The following FNBP1L variants were observed in gnomAD, a reference collection of about 807,000 sequenced individuals.
FNBP1L encodes formin binding protein 1 like.
Under a neutral mutation model 91.2 loss-of-function variants are expected in FNBP1L, and 36 were observed. That is an observed-to-expected ratio of 0.39 (90% confidence interval 0.30 to 0.52). The LOEUF (loss-of-function observed/expected upper bound fraction) is 0.52. FNBP1L is among the 20% of genes least tolerant of loss of function. The pLI is 0.66. For missense variants in FNBP1L, 571 were observed against 732.1 expected, an observed-to-expected ratio of 0.78 and a Z score of 2.54; for synonymous variants, 242 against 237.0, an observed-to-expected ratio of 1.02 and a Z score of -0.19.
intron 8 of FNBP1L, 130 bp from the exon 9 acceptor site, chr1:93,534,575 C>A: frequency 3.5e-6 from 2 of 572,348 alleles, no homozygotes; most frequent in Non-Finnish European, 3.0e-6. Flanking sequence ...AATTATTTAC[C>A]TTAATGATTA....
At chr1:93,528,294 A>G (rs1480504692) in intron 5 of FNBP1L, among the ~76,000 whole-genome samples, 2 of 151,942 alleles carry the variant, frequency 1.3e-5, no homozygotes, top group Non-Finnish European at 2.9e-5. Flanking sequence ...AGAAGATTCT[A>G]CCACCCTCCA....
At chr1:93,459,941 A>ATGTGTGTG (rs34705153) in intron 1 of FNBP1L, among the ~76,000 whole-genome samples, 29,180 of 141,940 alleles carry the variant, frequency 0.21, 3,603 homozygotes, top group East Asian at 0.38. Context: ...TGGATTTCAG[A>ATGTGTGTG]TGTGTGTGTG....
chr1:93,488,287 T>C (rs1669976624), intron 1 of FNBP1L: 1 of 152,168 alleles, frequency 6.6e-6, no homozygotes, highest in Non-Finnish European at 1.5e-5. Flanking sequence ...GTGTGTATTG[T>C]GTGTGCGTGT....
Position 93,472,595 on chromosome 1 carries a change from G to A in FNBP1L, c.24+24290G>A, listed in dbSNP as rs577637678. Among the ~76,000 whole-genome samples the A allele has an allele frequency of 1.0e-3, 153 of 151,810 alleles. 3 individuals carry two copies. The highest frequency in any genetic ancestry group is 9.8e-3 in the South Asian group (47 of 4,796). On this transcript the variant is annotated intron_variant, in intron 1 of 16. Transcript: ENST00000271234. ...TGGGAGGCTGAGGTGGGTGGATCAC[G>A]AGGTCAGGAGATTGAGACCATCCTG...
intron 2 of FNBP1L, among the ~76,000 whole-genome samples, chr1:93,513,449 G>T (rs367859606): frequency 9.2e-5 from 14 of 151,900 alleles, no homozygotes; most frequent in South Asian, 2.1e-4. Context: ...TACCAAAGCC[G>T]GGCAGAGACA....
chr1:93,543,977 T>TGAATCATTAA, intron 11 of FNBP1L, 130 bp from the exon 12 acceptor site: 1 of 494,006 alleles, frequency 2.0e-6, no homozygotes, highest in South Asian at 4.4e-5. Flanking sequence ...CTTTTTTTTT[T>TGAATCATTAA]AAGGGGTTGC....
chr1:93,478,468 T>A (rs1377868645), intron 1 of FNBP1L, among the ~76,000 whole-genome samples: 1 of 152,070 alleles, frequency 6.6e-6, no homozygotes, highest in African/African-American at 2.4e-5. Context: ...GATGAGGGCA[T>A]CCTGTGCAGG....
intron 9 of FNBP1L, 40 bp from the exon 10 acceptor site, chr1:93,536,292 A>G (rs1671847501): frequency 3.0e-6 from 4 of 1,351,146 alleles, no homozygotes; most frequent in Non-Finnish European, 3.9e-6. Flanking sequence ...AAAACTATGC[A>G]CATTTGGCTT....
chr1:93,511,464 A>G (rs1205885448), intron 2 of FNBP1L, among the ~76,000 whole-genome samples: 1 of 152,234 alleles, frequency 6.6e-6, no homozygotes. Context: ...AGCAATAAAC[A>G]TGGAAAGGAA....
At chr1:93,514,561 A>G (rs1671000175) in intron 2 of FNBP1L, among the ~76,000 whole-genome samples, 1 of 152,234 alleles carries the variant, frequency 6.6e-6, no homozygotes, top group African/African-American at 2.4e-5. Flanking sequence ...TACTGGTACC[A>G]ACACAGAGAT....
chr1:93,466,794 G>T (rs1379984220), intron 1 of FNBP1L, among the ~76,000 whole-genome samples: 1 of 152,146 alleles, frequency 6.6e-6, no homozygotes, highest in Non-Finnish European at 1.5e-5. Context: ...ACTTTGGGCA[G>T]TATGGCCATT....
chr1:93,471,818 T>G (rs973043938), intron 1 of FNBP1L, among the ~76,000 whole-genome samples: 5 of 152,248 alleles, frequency 3.3e-5, no homozygotes, highest in Non-Finnish European at 7.3e-5. Context: ...GTTAGTCATT[T>G]GTTTTGTGTA....
chr1:93,493,529 C>T (rs1306856179), intron 1 of FNBP1L, among the ~76,000 whole-genome samples: 1 of 152,172 alleles, frequency 6.6e-6, no homozygotes, highest in African/African-American at 2.4e-5. Flanking sequence ...CCCATTCCTT[C>T]CTACCCCTGT....
intron 1 of FNBP1L, among the ~76,000 whole-genome samples, chr1:93,480,971 T>C (rs989084557): frequency 6.6e-6 from 1 of 152,100 alleles, no homozygotes; most frequent in African/African-American, 2.4e-5. Context: ...CAAGAGCAAA[T>C]AATGGTTCGG....
At chr1:93,493,861 G>A (rs183804289) in intron 1 of FNBP1L, among the ~76,000 whole-genome samples, 8 of 152,222 alleles carry the variant, frequency 5.3e-5, no homozygotes, top group African/African-American at 1.4e-4. Flanking sequence ...GGTGAAAGAC[G>A]TACACTATTA....
At chr1:93,538,757 A>G (rs569050774) in intron 10 of FNBP1L, among the ~76,000 whole-genome samples, 2 of 152,160 alleles carry the variant, frequency 1.3e-5, no homozygotes, top group South Asian at 2.1e-4. Context: ...GTTTCTTAAA[A>G]CTGATGAGTT....
chr1:93,489,170 G>C (rs1002381892), intron 1 of FNBP1L, among the ~76,000 whole-genome samples: 5 of 152,122 alleles, frequency 3.3e-5, no homozygotes, highest in Admixed American at 6.6e-5. Context: ...CATAAATCAG[G>C]GTTGAAATTT....
In FNBP1L at chr1:93,489,558, TA is replaced by T. The variant is rs565032729; in HGVS notation, c.25-9900del. 5.1e-3 allele frequency among the ~76,000 whole-genome samples: 765 copies of T among 148,864 alleles called. 9 individuals are homozygous for T. The highest frequency in any genetic ancestry group is 0.016 in the African/African-American group (666 of 40,640). On this transcript the variant is annotated intron_variant, in intron 1 of 16. Transcript: ENST00000271234. ...GTGGAAGTGAAAATCACAGAGAAGT[TA>T]AAAAAAAAATTGCAGTAGGGTATTG... is the stretch of plus-strand genomic sequence containing the variant.
At chr1:93,546,763 C>T (rs1202673847) in intron 12 of FNBP1L, 79 bp from the exon 13 acceptor site, 1 of 1,476,398 alleles carries the variant, frequency 6.8e-7, no homozygotes, top group African/African-American at 1.4e-5. Context: ...GCGTACGAGT[C>T]CCCAGAGTCC....
Sources: gnomAD v4.1 joint callset for allele counts (sites outside exome capture counted in the v4.1 genomes callset) on GRCh38, gnomAD v4.1.1 for gene constraint, MANE v1.5 for transcripts, NCBI Gene and HGNC (gene_info 2026-07-23, HGNC 2026-07-21) for gene names.